Variants in KDM4C observed in about 807,000 individuals in gnomAD.
KDM4C encodes lysine-specific demethylase 4C.
KDM4C carries 81 observed loss-of-function variants against 129.3 expected under a neutral mutation model. That is an observed-to-expected ratio of 0.63 (90% CI 0.52 to 0.75). KDM4C has a LOEUF of 0.75. KDM4C is among the 30% of genes least tolerant of loss of function. The pLI is 0.00. For missense variants in KDM4C, 1,457 were observed against 1,304.0 expected, an observed-to-expected ratio of 1.12 and a Z score of -1.81; for synonymous variants, 573 against 456.1, an observed-to-expected ratio of 1.26 and a Z score of -3.26.
In KDM4C at chr9:6,983,711, A is replaced by G. The variant is rs139930653; in HGVS notation, c.1116-455A>G. 2.6e-5 allele frequency among the ~76,000 whole-genome samples: 4 copies of G among 152,290 alleles called. No individual in the cohort carries two copies. The East Asian group carries it at 5.8e-4, about 22-fold the overall frequency. On this transcript the variant is annotated intron_variant, in intron 9 of 21. Coordinates refer to ENST00000381309, the MANE Select transcript of KDM4C (RefSeq NM_015061.6). Reference sequence around the variant, plus strand: ...ATACCTGACAATTATACAAAACTCAATGAAAAGTAGTCAGTAGTTTACCTT... The same window carrying G: ...ATACCTGACAATTATACAAAACTCAGTGAAAAGTAGTCAGTAGTTTACCTT...
intron 8 of KDM4C, among the ~76,000 whole-genome samples, chr9:6,907,945 A>C (rs1254797768): frequency 6.6e-6 from 1 of 152,216 alleles, no homozygotes; most frequent in African/African-American, 2.4e-5. Flanking sequence ...AAAGATTCAT[A>C]GACAGTGTGG....
At chr9:6,907,139 G>T (rs1423457153) in intron 8 of KDM4C, among the ~76,000 whole-genome samples, 1 of 152,216 alleles carries the variant, frequency 6.6e-6, no homozygotes, top group Non-Finnish European at 1.5e-5. Context: ...CAGGGTGTAT[G>T]TATTGATGTG....
chr9:7,102,845 GT>G (rs1837256223), intron 17 of KDM4C, among the ~76,000 whole-genome samples: 1 of 152,038 alleles, frequency 6.6e-6, no homozygotes, highest in Non-Finnish European at 1.5e-5. Context: ...CTAACCCTAT[GT>G]TTTTCCACAA....
chr9:6,975,555 C>T (rs1484996540), intron 8 of KDM4C, among the ~76,000 whole-genome samples: 1 of 152,256 alleles, frequency 6.6e-6, no homozygotes, highest in East Asian at 1.9e-4. Flanking sequence ...GCGCCTGTCT[C>T]TGTTTCTTCA....
At chr9:6,967,843 T>C (rs779930212) in intron 8 of KDM4C, among the ~76,000 whole-genome samples, 2 of 152,222 alleles carry the variant, frequency 1.3e-5, no homozygotes, top group Non-Finnish European at 2.9e-5. Flanking sequence ...CAGATACTGA[T>C]GCCAAAAAGA....
chr9:6,884,176 G>C (rs1158093840), intron 6 of KDM4C, among the ~76,000 whole-genome samples: 1 of 152,112 alleles, frequency 6.6e-6, no homozygotes, highest in East Asian at 1.9e-4. Flanking sequence ...TGGGACGTTA[G>C]GGTCAAGTGA....
At chr9:7,012,198 C>G (rs1822841417) in intron 13 of KDM4C, among the ~76,000 whole-genome samples, 2 of 152,190 alleles carry the variant, frequency 1.3e-5, no homozygotes, top group Non-Finnish European at 2.9e-5. Context: ...TCCACAGTAG[C>G]TACGACTATA....
At chr9:7,162,773 G>A (rs966620828) in intron 19 of KDM4C, among the ~76,000 whole-genome samples, 2 of 152,038 alleles carry the variant, frequency 1.3e-5, no homozygotes, top group Non-Finnish European at 2.9e-5. Flanking sequence ...TCTCCTGCTT[G>A]AAAGTTGTTT....
At chr9:7,011,135 C>T (rs1563978349) in intron 12 of KDM4C, among the ~76,000 whole-genome samples, 1 of 152,148 alleles carries the variant, frequency 6.6e-6, no homozygotes, top group Non-Finnish European at 1.5e-5. Flanking sequence ...TAGGGATTTT[C>T]TTTTATATCC....
intron 12 of KDM4C, 24 bp downstream of exon 12, chr9:6,990,548 A>ATTT (rs35634202): frequency 1.4e-4 from 168 of 1,179,342 alleles, no homozygotes; most frequent in African/African-American, 2.5e-4. Context: ...CCTTTTTGGG[A>ATTT]TTTTTTTTTT....
chr9:6,752,104 C>T (rs1233931393), intron 1 of KDM4C, among the ~76,000 whole-genome samples: 11 of 150,230 alleles, frequency 7.3e-5, no homozygotes, highest in South Asian at 4.2e-4. Flanking sequence ...GAGGCCGAGA[C>T]GGGCGGATCA....
intron 13 of KDM4C, among the ~76,000 whole-genome samples, chr9:7,012,328 T>C (rs545493441): frequency 6.6e-6 from 1 of 152,336 alleles, no homozygotes; most frequent in South Asian, 2.1e-4. Context: ...ATCCTTCCGC[T>C]TTGGTCTCCC....
At chr9:6,814,381 T>C (rs539138482) in intron 3 of KDM4C, among the ~76,000 whole-genome samples, 3 of 152,332 alleles carry the variant, frequency 2.0e-5, no homozygotes, top group Admixed American at 6.5e-5. Flanking sequence ...ACTGCTTTTC[T>C]GCTTCTATTG....
At chr9:6,922,460 T>A (rs1821711748) in intron 8 of KDM4C, among the ~76,000 whole-genome samples, 1 of 152,360 alleles carries the variant, frequency 6.6e-6, no homozygotes, top group South Asian at 2.1e-4. Context: ...TTCAGCAATC[T>A]TCCAGGCTGT....
intron 8 of KDM4C, among the ~76,000 whole-genome samples, chr9:6,945,037 T>C (rs372789281): frequency 1.3e-5 from 2 of 152,210 alleles, no homozygotes; most frequent in African/African-American, 4.8e-5. Context: ...TACATTGTGA[T>C]CATCCAGGGA....
At position 6,828,828 on chromosome 9, in the gene KDM4C, G is replaced by A. The variant is rs374534518; in HGVS notation, c.435+14083G>A. The stretch of plus-strand genomic sequence containing the variant: ...AGAGGTTGGCATGAGCCGAGATGGC[G>A]CCATTGCACTCCAGCCTGGGCAACA... On this transcript the variant is annotated intron_variant, in intron 4 of 21. Coordinates refer to ENST00000381309, the MANE Select transcript of KDM4C (RefSeq NM_015061.6). Among the ~76,000 whole-genome samples the A allele has an allele frequency of 1.9e-3, 283 of 152,158 alleles. 9 individuals carry two copies. The South Asian group carries it at 0.057, about 31-fold the overall frequency.
At chr9:6,907,570 G>A (rs1015429854) in intron 8 of KDM4C, among the ~76,000 whole-genome samples, 1 of 152,202 alleles carries the variant, frequency 6.6e-6, no homozygotes, top group African/African-American at 2.4e-5. Context: ...TTTAGGGGAA[G>A]AGGGTAGTAT....
intron 11 of KDM4C, among the ~76,000 whole-genome samples, chr9:6,988,035 G>T (rs978377230): frequency 6.6e-6 from 1 of 151,310 alleles, no homozygotes. Flanking sequence ...TGTGCCTGTG[G>T]TCCTAGCTAC....
chr9:6,961,884 A>G (rs150585890), intron 8 of KDM4C, among the ~76,000 whole-genome samples: 11 of 152,228 alleles, frequency 7.2e-5, no homozygotes, highest in African/African-American at 2.4e-4. Flanking sequence ...TGTTTTAAGG[A>G]TGTTGTGAAT....
Sources: gnomAD v4.1 joint callset for allele counts (sites outside exome capture counted in the v4.1 genomes callset) on GRCh38, gnomAD v4.1.1 for gene constraint, MANE v1.5 for transcripts, NCBI Gene and HGNC (gene_info 2026-07-23, HGNC 2026-07-21) for gene names.